Variants in FOCAD observed in about 807,000 individuals in gnomAD.
FOCAD encodes the protein focadhesin.
A neutral mutation model predicts 225.6 loss-of-function variants in FOCAD; 198 were observed. That is an observed-to-expected ratio of 0.88 (90% CI 0.78 to 0.99). The LOEUF (loss-of-function observed/expected upper bound fraction) is 0.99. Ranked by LOEUF, FOCAD falls within the 50% of genes least tolerant of loss-of-function variation. FOCAD has a pLI of 0.00. For synonymous variants in FOCAD, 897 were observed against 755.0 expected (o/e 1.19, Z -3.08); for missense variants, 2,713 against 2,123.6 (o/e 1.28, Z -5.46).
chr9:20,933,369 C>T (rs972664919), intron 28 of FOCAD, among the ~76,000 whole-genome samples: 24 of 152,162 alleles, frequency 1.6e-4, no homozygotes, highest in Non-Finnish European at 3.1e-4. Flanking sequence ...CTCCCTGAAT[C>T]CCCAAAGTCC....
At chr9:20,755,846 G>C (rs1467520575) in intron 5 of FOCAD, among the ~76,000 whole-genome samples, 2 of 152,048 alleles carry the variant, frequency 1.3e-5, no homozygotes, top group Non-Finnish European at 2.9e-5. Flanking sequence ...TTTTGGTAGA[G>C]ACTGGGTCCT....
At chr9:20,700,623 G>C (rs1389073404) in intron 1 of FOCAD, among the ~76,000 whole-genome samples, 1 of 151,006 alleles carries the variant, frequency 6.6e-6, no homozygotes, top group Non-Finnish European at 1.5e-5. Flanking sequence ...TCAAGTTACT[G>C]TATTAATTTG....
chr9:20,850,421 T>C (rs1349803007), intron 15 of FOCAD, among the ~76,000 whole-genome samples: 1 of 151,834 alleles, frequency 6.6e-6, no homozygotes, highest in African/African-American at 2.4e-5. Flanking sequence ...AGGCATTTTT[T>C]ATGTGGATTT....
intron 35 of FOCAD, among the ~76,000 whole-genome samples, chr9:20,962,753 T>G (rs1838869410): frequency 6.6e-6 from 1 of 152,236 alleles, no homozygotes; most frequent in Non-Finnish European, 1.5e-5. Flanking sequence ...AGATTTAAAG[T>G]AACTTTGTTT....
intron 5 of FOCAD, among the ~76,000 whole-genome samples, chr9:20,753,001 A>G (rs1245171303): frequency 4.7e-5 from 7 of 150,202 alleles, no homozygotes; most frequent in East Asian, 2.0e-4. Context: ...ATTTTTGTAC[A>G]TTGATTTTGT....
intron 3 of FOCAD, among the ~76,000 whole-genome samples, chr9:20,719,469 A>C (rs2131537910): frequency 6.6e-6 from 1 of 152,074 alleles, no homozygotes; most frequent in Non-Finnish European, 1.5e-5. Flanking sequence ...AATAAGTTGC[A>C]TCAGGAAAAA....
chr9:20,692,962 G>A (rs1823064041), intron 1 of FOCAD, among the ~76,000 whole-genome samples: 1 of 152,160 alleles, frequency 6.6e-6, no homozygotes, highest in Non-Finnish European at 1.5e-5. Flanking sequence ...GCCTTCTAAT[G>A]GATTGCTTCT....
intron 15 of FOCAD, among the ~76,000 whole-genome samples, chr9:20,823,398 G>T (rs747704543): frequency 5.3e-5 from 8 of 151,986 alleles, no homozygotes; most frequent in Non-Finnish European, 1.2e-4. Flanking sequence ...GGAAAGTTAT[G>T]CCTATAGGAG....
intron 21 of FOCAD, among the ~76,000 whole-genome samples, chr9:20,904,284 T>C (rs1184168585): frequency 6.6e-6 from 1 of 151,978 alleles, no homozygotes; most frequent in Non-Finnish European, 1.5e-5. Flanking sequence ...AGGTGTGGAA[T>C]TGCTCAGTCA....
chr9:20,665,065 A>G (rs1281316456), intron 2 of FOCAD, among the ~76,000 whole-genome samples: 2 of 152,196 alleles, frequency 1.3e-5, no homozygotes, highest in African/African-American at 4.8e-5. Context: ...AAACCAGGGT[A>G]GAGTACTCCA....
At chr9:20,803,900 T>G (rs1024959260) in intron 11 of FOCAD, among the ~76,000 whole-genome samples, 9 of 152,102 alleles carry the variant, frequency 5.9e-5, no homozygotes, top group Non-Finnish European at 1.0e-4. Context: ...GGTTGTAAGG[T>G]TAAGGGGACC....
At chr9:20,886,774 TTA>T (rs1362407211) in intron 21 of FOCAD, among the ~76,000 whole-genome samples, 1 of 152,212 alleles carries the variant, frequency 6.6e-6, no homozygotes, top group Non-Finnish European at 1.5e-5. Context: ...GTTCATTTGC[TTA>T]AAACACAAAG....
intron 11 of FOCAD, among the ~76,000 whole-genome samples, chr9:20,819,568 T>C (rs1213989414): frequency 6.6e-6 from 1 of 152,090 alleles, no homozygotes; most frequent in Admixed American, 6.6e-5. Context: ...GTTATAGTTA[T>C]TCAATAAAAG....
At chr9:20,749,648 A>G (rs924530394) in intron 5 of FOCAD, among the ~76,000 whole-genome samples, 2 of 152,194 alleles carry the variant, frequency 1.3e-5, no homozygotes, top group African/African-American at 2.4e-5. Context: ...TGAAAGCACC[A>G]GGGTCACAGC....
Position 20,767,837 on chromosome 9 carries a change from C to T in FOCAD, c.700-2195C>T, listed in dbSNP as rs202147321. 9.3e-4 allele frequency among the ~76,000 whole-genome samples: 140 copies of T among 151,082 alleles called. 3 individuals are homozygous for T. In the East Asian group the frequency reaches 0.015, roughly 17 times the overall value. ...AGAAGCTCTTTAGTTTAATTAGATC[C>T]CATTTGTCAATTTTGTCTTTTGTTG... On this transcript the variant is annotated intron_variant, in intron 7 of 43. Coordinates refer to ENST00000338382, the MANE Select transcript of FOCAD (RefSeq NM_001375567.1).
intron 10 of FOCAD, among the ~76,000 whole-genome samples, chr9:20,789,051 T>C (rs1820245539): frequency 1.3e-5 from 2 of 152,170 alleles, no homozygotes; most frequent in African/African-American, 4.8e-5. Context: ...TTTTTCCAAA[T>C]GCAATTGCCT....
intron 27 of FOCAD, 89 bp downstream of exon 27, chr9:20,929,685 T>C: frequency 9.8e-7 from 1 of 1,020,176 alleles, no homozygotes; most frequent in Admixed American, 2.0e-5. Flanking sequence ...ATAAACATTG[T>C]ATCTGAGCAA....
intron 21 of FOCAD, among the ~76,000 whole-genome samples, chr9:20,886,030 C>G (rs1831077345): frequency 6.6e-6 from 1 of 152,088 alleles, no homozygotes; most frequent in African/African-American, 2.4e-5. Flanking sequence ...TATTTTGATG[C>G]CTAATTTATA....
intron 5 of FOCAD, among the ~76,000 whole-genome samples, chr9:20,742,310 T>C (rs1343585770): frequency 1.3e-5 from 2 of 152,204 alleles, no homozygotes; most frequent in African/African-American, 4.8e-5. Context: ...TCACAATGAG[T>C]ACAAAGTGGT....
Sources: allele counts gnomAD v4.1 joint callset (sites outside exome capture counted in the v4.1 genomes callset), GRCh38; gene constraint gnomAD v4.1.1; transcripts MANE v1.5; gene names NCBI Gene and HGNC (gene_info 2026-07-23, HGNC 2026-07-21).